Variants in WDR33 observed in about 807,000 individuals in gnomAD.
The protein encoded by WDR33 is WD repeat domain 33.
In WDR33, 47 loss-of-function variants were observed where a neutral mutation model predicts 164.9. The observed-to-expected ratio is 0.29, with a 90% CI of 0.23 to 0.36. The LOEUF (loss-of-function observed/expected upper bound fraction) is 0.36. WDR33 is among the 10% of genes least tolerant of loss of function. WDR33 has a pLI of 1.00. For missense variants in WDR33, 1,137 were observed against 1,754.1 expected, an observed-to-expected ratio of 0.65 and a Z score of 6.28; for synonymous variants, 505 against 589.0, an observed-to-expected ratio of 0.86 and a Z score of 2.06.
At position 127,763,519 on chromosome 2, in the gene WDR33, CT is replaced by C; in HGVS notation, c.627-361del. 1 of 1,049,900 alleles carries C rather than the reference CT, an allele frequency of 9.5e-7. No homozygotes were observed. The highest frequency in any genetic ancestry group is 3.4e-5 in the South Asian group (1 of 29,382). The allele number at this position is 1,049,900 out of a possible 1,614,324, so 65.0% of individuals were successfully genotyped here. A position where few individuals can be genotyped will look rare whatever the true frequency, so the allele number is the denominator to read the frequency against. ...TCTATTTTTGCAGTATTCCTGCAGTCTTTTAAATCACACACGAATACTGCTC... is the reference window on the plus strand; with the variant it reads ...TCTATTTTTGCAGTATTCCTGCAGTCTTTAAATCACACACGAATACTGCTC... On this transcript the variant is annotated intron_variant, in intron 6 of 21. Coordinates refer to ENST00000322313, the MANE Select transcript of WDR33 (RefSeq NM_018383.5). This position sits in a 1 kb window ranked among gnomAD's most constrained non-coding sequence, Gnocchi z 4.5.
chr2:127,764,833 C>G lies in WDR33; in HGVS notation c.621G>C (p.Glu207Asp). Residue 207 changes from glutamate (E) to aspartate (D), a missense_variant, in exon 6 of 22, where the codon GAG becomes GAC. Transcript: ENST00000322313. This position sits in a 1 kb window ranked among gnomAD's most constrained non-coding sequence, Gnocchi z 6.2. ...MFQAHKEAIR[E>D]ASFSPTDNKF... ...ATGGTATATTGTGTATAAACCTGGC[C>G]TCTCTAATCGCCTCCTTATGTGCCT... is the stretch of plus-strand genomic sequence containing the variant. 1.2e-6 allele frequency: 2 copies of G among 1,614,180 alleles called. No homozygotes were observed. Among genetic ancestry groups the G allele is most frequent in the Non-Finnish European group, 1.7e-6 (2 of 1,180,032 alleles).
In WDR33 at chr2:127,741,117, G is replaced by A. The variant is rs1281661804; in HGVS notation, c.725-14340C>T. On this transcript the variant is annotated intron_variant, in intron 7 of 21. Transcript: ENST00000322313. The surrounding 1 kb of genome is among the most constrained non-coding windows in gnomAD (Gnocchi z 4.1). ...TCCAGGTTGTCCCTCCTGACTTCCT[G>A]TTTCTGTAGAACAGATGCTCTCAGT... Among the ~76,000 whole-genome samples the A allele has an allele frequency of 6.6e-6, 1 of 152,224 alleles. No individual in the cohort carries two copies. Among genetic ancestry groups the A allele is most frequent in the Non-Finnish European group, 1.5e-5 (1 of 68,032 alleles).
intron 1 of WDR33, chr2:127,798,983 T>A (rs566603883): frequency 3.9e-5 from 6 of 152,044 alleles, no homozygotes; most frequent in Non-Finnish European, 8.8e-5. Flanking sequence ...GATAACCCAC[T>A]ACCATCGGAC....
Position 127,706,698 on chromosome 2 carries a change from G to A in WDR33, c.3782-146C>T, listed in dbSNP as rs1686024317. The A allele has an allele frequency of 2.8e-6, 2 of 725,664 alleles. No individual in the cohort carries two copies. Among genetic ancestry groups the A allele is most frequent in the Non-Finnish European group, 2.2e-6 (1 of 459,790 alleles). 45.0% of individuals were successfully genotyped at this position (725,664 alleles called of 1,614,324 possible). On this transcript the variant is annotated intron_variant, in intron 21 of 21. Transcript: ENST00000322313. This position sits in a 1 kb window ranked among gnomAD's most constrained non-coding sequence, Gnocchi z 5.1. ...GGCAGTGGTATTCAGCGTACTGAGA[G>A]GTGTGCCTCTACCCTTTCCTGACCC... is the stretch of plus-strand genomic sequence containing the variant.
Position 127,774,971 on chromosome 2 carries a change from G to A in WDR33, c.-23-3967C>T, listed in dbSNP as rs151041524. On this transcript the variant is annotated intron_variant, in intron 1 of 21. Transcript: ENST00000322313. Reference sequence around the variant, plus strand: ...AAGCTAAAAGATTAGTGTTTGCCACGGGCTGGGGAATGAGAGGAATGGAGA... The same window carrying A: ...AAGCTAAAAGATTAGTGTTTGCCACAGGCTGGGGAATGAGAGGAATGGAGA... 5.8e-3 allele frequency among the ~76,000 whole-genome samples: 884 copies of A among 152,254 alleles called. 14 individuals carry two copies. The highest frequency in any genetic ancestry group is 0.019 in the African/African-American group (810 of 41,540).
At position 127,713,493 on chromosome 2, in the gene WDR33, C is replaced by T. The variant is rs1686226772; in HGVS notation, c.3308+90G>A. ...CTGGTAATTGATATAATTCTCTTTC[C>T]TCAAGAAAAAGAAGAAAGAGACCTT... On this transcript the variant is annotated intron_variant, in intron 18 of 21. Transcript: ENST00000322313. This position sits in a 1 kb window ranked among gnomAD's most constrained non-coding sequence, Gnocchi z 6.2. 7.1e-7 allele frequency: 1 copy of T among 1,417,904 alleles called. No homozygotes were observed. Among genetic ancestry groups the T allele is most frequent in the Non-Finnish European group, 9.7e-7 (1 of 1,034,622 alleles). The allele number at this position is 1,417,904 out of a possible 1,614,324, so 87.8% of individuals were successfully genotyped here.
chr2:127,740,125 C>A (rs1686969789), intron 7 of WDR33, among the ~76,000 whole-genome samples: 1 of 152,060 alleles, frequency 6.6e-6, no homozygotes, highest in Non-Finnish European at 1.5e-5. Flanking sequence ...AGTACTGATT[C>A]CACTAGACTA....
rs1558924473 is a variant in WDR33 at position 127,722,715 on chromosome 2, T to C, written c.1394A>G (p.Asn465Ser). The change falls in exon 14 of 22, where the codon AAT becomes AGT. Residue 465 changes from asparagine (N) to serine (S), a missense_variant. This residue lies in a region of WDR33 where 75 missense variants were observed against 124.7 expected (regional missense o/e 0.60). Transcript: ENST00000322313. This position sits in a 1 kb window ranked among gnomAD's most constrained non-coding sequence, Gnocchi z 5.1. ...ACCTGGAATTGTCATTTCAATTTCA[T>C]TTGATTCATCTTTCCCTGTAACCGT... ...EQEQMGKDES[N>S]EIEMTIPGLD... 6.2e-7 allele frequency: 1 copy of C among 1,613,988 alleles called. No individual in the cohort carries two copies. Among genetic ancestry groups the C allele is most frequent in the East Asian group, 2.2e-5 (1 of 44,862 alleles).
intron 18 of WDR33, among the ~76,000 whole-genome samples, chr2:127,711,780 A>ATATATTTTTTTTTTTTTTTT: frequency 3.4e-5 from 3 of 88,302 alleles, no homozygotes; most frequent in African/African-American, 6.5e-5. Flanking sequence ...ATATATATAT[A>ATATATTTTTTTTTTTTTTTT]TTTTTTTTTT....
intron 7 of WDR33, among the ~76,000 whole-genome samples, chr2:127,753,760 T>G (rs1418023582): frequency 6.6e-6 from 1 of 152,134 alleles, no homozygotes; most frequent in African/African-American, 2.4e-5. Flanking sequence ...ACTGCATCTA[T>G]TTTTTAAAAA....
At chr2:127,759,367 G>GT (rs1335305662) in intron 7 of WDR33, among the ~76,000 whole-genome samples, 2 of 152,046 alleles carry the variant, frequency 1.3e-5, no homozygotes, top group South Asian at 2.1e-4. Context: ...TTTTCTAAGC[G>GT]TAAGAACAAT....
rs746169856 is a variant in WDR33 at position 127,714,063 on chromosome 2, A to G, written c.2870-42T>C. On this transcript the variant is annotated intron_variant, in intron 17 of 21. Transcript: ENST00000322313. The surrounding 1 kb of genome is among the most constrained non-coding windows in gnomAD (Gnocchi z 4.3). The stretch of plus-strand genomic sequence containing the variant: ...TGACTTTTACCATGTCTTCCAGGAA[A>G]CCTGCCAACATAGGTCTGATCTGTA... 11 of 1,482,638 alleles carry G rather than the reference A, an allele frequency of 7.4e-6. No homozygotes were observed. The East Asian group carries it at 2.1e-4, about 28-fold the overall frequency. The allele number at this position is 1,482,638 out of a possible 1,614,324, so 91.8% of individuals were successfully genotyped here. A position where few individuals can be genotyped will look rare whatever the true frequency, so the allele number is the denominator to read the frequency against.
chr2:127,727,871 TACAG>T (rs1226845456), intron 7 of WDR33, among the ~76,000 whole-genome samples: 1 of 152,110 alleles, frequency 6.6e-6, no homozygotes, highest in Middle Eastern at 3.2e-3. Context: ...TACAGAAGAA[TACAG>T]ACAAAGGGAA....
At chr2:127,793,389 C>A (rs1357540282) in intron 1 of WDR33, among the ~76,000 whole-genome samples, 2 of 151,684 alleles carry the variant, frequency 1.3e-5, no homozygotes, top group Non-Finnish European at 2.9e-5. Context: ...CGAGATCATA[C>A]CACTGCACTC....
At chr2:127,782,460 T>C (rs889202229) in intron 1 of WDR33, among the ~76,000 whole-genome samples, 8 of 152,136 alleles carry the variant, frequency 5.3e-5, no homozygotes, top group African/African-American at 1.9e-4. Flanking sequence ...TAACCAAATG[T>C]GGCAGTTTTC....
At chr2:127,742,182 C>T (rs1207366230) in intron 7 of WDR33, among the ~76,000 whole-genome samples, 1 of 151,324 alleles carries the variant, frequency 6.6e-6, no homozygotes, top group Non-Finnish European at 1.5e-5. Flanking sequence ...CATTGCACTC[C>T]AGCCTGGGCA....
chr2:127,762,825 G>A (rs1687717598), intron 7 of WDR33: 6 of 1,320,706 alleles, frequency 4.5e-6, no homozygotes, highest in Non-Finnish European at 5.8e-6. Flanking sequence ...AAGTAAGGGG[G>A]AGGCACTCTT....
chr2:127,805,745 T>G (rs13406267), intron 1 of WDR33, among the ~76,000 whole-genome samples: 3,223 of 152,170 alleles, frequency 0.021, 121 homozygotes, highest in African/African-American at 0.075. Flanking sequence ...GAAAGCCTCC[T>G]GGAAGGGGCT....
intron 7 of WDR33, among the ~76,000 whole-genome samples, chr2:127,758,623 T>C (rs1242725401): frequency 6.6e-6 from 1 of 152,178 alleles, no homozygotes; most frequent in Non-Finnish European, 1.5e-5. Context: ...ATTCTCTTTA[T>C]GAGTATAATG....
Sources: allele counts gnomAD v4.1 joint callset (sites outside exome capture counted in the v4.1 genomes callset), GRCh38; gene constraint gnomAD v4.1.1; regional missense constraint gnomAD v4.1.1; non-coding constraint Gnocchi (gnomAD v3.1); transcripts MANE v1.5; gene names NCBI Gene and HGNC (gene_info 2026-07-23, HGNC 2026-07-21).